Variants in CACNA1H observed in about 807,000 individuals in gnomAD.
CACNA1H encodes the protein voltage-dependent T-type calcium channel subunit alpha-1H.
Under a neutral mutation model 192.5 loss-of-function variants are expected in CACNA1H, and 149 were observed. The ratio of observed to expected loss-of-function variants is 0.77; its 90% CI spans 0.68 to 0.89. The LOEUF (loss-of-function observed/expected upper bound fraction) is 0.89. Among genes scored for constraint, CACNA1H ranks in the 40% least tolerant of loss-of-function variants. CACNA1H has a pLI of 0.00. For missense variants in CACNA1H, 4,257 were observed against 3,423.5 expected (o/e 1.24, Z -6.08); for synonymous variants, 2,202 against 1,475.2 (o/e 1.49, Z -11.29).
intron 2 of CACNA1H, among the ~76,000 whole-genome samples, chr16:1,155,377 G>A (rs933746434): frequency 6.6e-6 from 1 of 152,232 alleles, no homozygotes; most frequent in African/African-American, 2.4e-5. Context: ...TTGAAGAGCG[G>A]TTGTAGGTTT....
Position 1,204,179 on chromosome 16 carries a change from C to T in CACNA1H, c.2172C>T (p.Gly724=), listed in dbSNP as rs368380030. 7 of 1,612,296 alleles carry T rather than the reference C, an allele frequency of 4.3e-6. No individual in the cohort carries two copies. The highest frequency in any genetic ancestry group is 1.1e-5 in the South Asian group (1 of 91,048). Residue 724 remains glycine (G), a synonymous_variant, in exon 10 of 35, where the codon GGC becomes GGT. Coordinates refer to ENST00000348261, the MANE Select transcript of CACNA1H (RefSeq NM_021098.3). ...GCTCGGAAAGTGGAGACTCAGATGG[C>T]CGTGGCGTCTATGAATTCACGCAGG... is the stretch of plus-strand genomic sequence containing the variant. ...LSGSESGDSD[G]RGVYEFTQDV...
At position 1,217,922 on chromosome 16, in the gene CACNA1H, G is replaced by A. The variant is rs1228193387; in HGVS notation, c.5327G>A (p.Cys1776Tyr). 1.2e-6 allele frequency: 2 copies of A among 1,603,036 alleles called. No homozygotes were observed. Among genetic ancestry groups the A allele is most frequent in the Non-Finnish European group, 1.7e-6 (2 of 1,175,822 alleles). ...LGVELFGRLECSEDNPCEGLS... is the reference protein window; with the variant it reads ...LGVELFGRLEYSEDNPCEGLS... ...GGCGGGGTCTCCCTCCCCGCAGAGT[G>A]CAGTGAAGACAACCCCTGCGAGGGC... Residue 1776 changes from cysteine (C) to tyrosine (Y), a missense_variant, in exon 32 of 35, where the codon TGC becomes TAC. Physicochemically the swap from Cys to Tyr is radical, Grantham distance 194. Transcript: ENST00000348261.
rs1967488386 is a variant in CACNA1H, at chr16:1,199,448, TG to T, written c.803+675del. On this transcript the variant is annotated intron_variant, in intron 6 of 34. Transcript: ENST00000348261. ...ATGGCTCCGCCCACCGTGCGGTCGC[TG>T]CATATATGCCCCACCCCCATCATGG... is the stretch of plus-strand genomic sequence containing the variant. Among the ~76,000 whole-genome samples the T allele has an allele frequency of 2.6e-5, 2 of 77,344 alleles. 1 individual carries two copies. The highest frequency in any genetic ancestry group is 5.5e-5 in the Non-Finnish European group (2 of 36,122). The allele number at this position is 77,344 out of a possible 152,430, so 50.7% of individuals were successfully genotyped here.
At chr16:1,207,453 T>C in intron 14 of CACNA1H, 23 bp downstream of exon 14, 9 of 1,609,180 alleles carry the variant, frequency 5.6e-6, no homozygotes, top group Non-Finnish European at 7.6e-6. Flanking sequence ...GGAGAGGGGC[T>C]GCCAGGAGGA....
intron 2 of CACNA1H, among the ~76,000 whole-genome samples, chr16:1,182,018 T>C (rs1412044714): frequency 2.6e-5 from 4 of 152,188 alleles, no homozygotes; most frequent in Admixed American, 1.3e-4. Context: ...CTGGCTGCTG[T>C]GTGCTTCCGG....
chr16:1,210,328 A>G, intron 18 of CACNA1H, 42 bp from the exon 19 acceptor site: 1 of 1,454,160 alleles, frequency 6.9e-7, no homozygotes, highest in Non-Finnish European at 9.3e-7. Context: ...TCTGCCATCC[A>G]CGCCGCCCCG....
chr16:1,210,085 G>T lies in CACNA1H; in HGVS notation c.3795G>T (p.Trp1265Cys). The T allele has an allele frequency of 5.1e-6, 8 of 1,560,044 alleles. No individual in the cohort carries two copies. The highest frequency in any genetic ancestry group is 6.9e-6 in the Non-Finnish European group (8 of 1,152,830). ...HKVLEPYKPQ[W>C]CRSREAWALY... ...TGCTGGAGCCCTACAAGCCCCAGTG[G>T]TGCCGGAGCCGCGAGGCCTGGGCCC... Residue 1265 changes from tryptophan (W) to cysteine (C), a missense_variant, in exon 18 of 35, where the codon TGG becomes TGT. By Grantham distance (215) the Trp-to-Cys change is radical (BLOSUM62 -2). Coordinates refer to ENST00000348261, the MANE Select transcript of CACNA1H (RefSeq NM_021098.3).
chr16:1,189,542 C>T (rs1031828005), intron 2 of CACNA1H, among the ~76,000 whole-genome samples: 10 of 151,154 alleles, frequency 6.6e-5, no homozygotes, highest in Non-Finnish European at 1.0e-4. Flanking sequence ...TCAGCCTCCC[C>T]GAGTAGCTGC....
At position 1,199,420 on chromosome 16, in the gene CACNA1H, A is replaced by AGTGCTGCCACCTC. The variant is rs1567504534; in HGVS notation, c.803+646_803+647insGTGCTGCCACCTC. ...GTCGCTGCACATATGCCCCACCCCCATCATGGCTCCGCCCACCGTGCGGTC... is the reference window on the plus strand; with the variant it reads ...GTCGCTGCACATATGCCCCACCCCCAGTGCTGCCACCTCTCATGGCTCCGCCCACCGTGCGGTC... On this transcript the variant is annotated intron_variant, in intron 6 of 34. Coordinates refer to ENST00000348261, the MANE Select transcript of CACNA1H (RefSeq NM_021098.3). Among the ~76,000 whole-genome samples the AGTGCTGCCACCTC allele has an allele frequency of 3.4e-4, 6 of 17,604 alleles. 3 individuals are homozygous for AGTGCTGCCACCTC. Among genetic ancestry groups the AGTGCTGCCACCTC allele is most frequent in the African/African-American group, 7.0e-4 (2 of 2,856 alleles). The allele number at this position is 17,604 out of a possible 152,430, so 11.5% of individuals were successfully genotyped here.
chr16:1,194,172 G>A (rs1223730821), intron 2 of CACNA1H, among the ~76,000 whole-genome samples: 2 of 152,056 alleles, frequency 1.3e-5, no homozygotes, highest in Admixed American at 6.5e-5. Flanking sequence ...GGGTGGGGGC[G>A]GCCACCGGGC....
intron 5 of CACNA1H, among the ~76,000 whole-genome samples, chr16:1,197,988 GC>G (rs1967195295): frequency 6.6e-6 from 1 of 152,128 alleles, no homozygotes; most frequent in African/African-American, 2.4e-5. Context: ...AAAAGCCGCT[GC>G]CGGTCCTCCC....
intron 1 of CACNA1H, 75 bp downstream of exon 1, chr16:1,153,545 G>C (rs1410859176): frequency 6.2e-6 from 2 of 324,680 alleles, no homozygotes; most frequent in Middle Eastern, 8.5e-4. Context: ...CCCTCGGGGT[G>C]GGGGTGGGGC....
rs572520545 is a variant in CACNA1H at position 1,199,720 on chromosome 16, C to T, written c.804-536C>T. Among the ~76,000 whole-genome samples the T allele has an allele frequency of 3.5e-3, 537 of 151,270 alleles. 5 individuals are homozygous for T. The highest frequency in any genetic ancestry group is 0.015 in the South Asian group (71 of 4,742). On this transcript the variant is annotated intron_variant, in intron 6 of 34. Coordinates refer to ENST00000348261, the MANE Select transcript of CACNA1H (RefSeq NM_021098.3). ...CACCCCCGAGTCTCCCCTCAGCCTTCACCCCAGGGTCCCCTGAGCCCACAC... is the reference window on the plus strand; with the variant it reads ...CACCCCCGAGTCTCCCCTCAGCCTTTACCCCAGGGTCCCCTGAGCCCACAC...
chr16:1,216,097 C>T (rs1014601665), intron 30 of CACNA1H, among the ~76,000 whole-genome samples: 3 of 152,166 alleles, frequency 2.0e-5, no homozygotes, highest in African/African-American at 4.8e-5. Flanking sequence ...ATCCAACCCC[C>T]GTGTGTCCGT....
rs148017131 is a variant in CACNA1H, at chr16:1,164,921, C to T, written c.299+10885C>T. Among the ~76,000 whole-genome samples, 633 of 152,300 alleles carry T rather than the reference C, an allele frequency of 4.2e-3. 6 individuals carry two copies. Among genetic ancestry groups the T allele is most frequent in the African/African-American group, 0.011 (442 of 41,556 alleles). On this transcript the variant is annotated intron_variant, in intron 2 of 34. Coordinates refer to ENST00000348261, the MANE Select transcript of CACNA1H (RefSeq NM_021098.3). ...GTCGAGTCGCCCCTTTTGCTGGTCCCTGGCTTGGCAGATGTGTGTTTTCTC... is the reference window on the plus strand; with the variant it reads ...GTCGAGTCGCCCCTTTTGCTGGTCCTTGGCTTGGCAGATGTGTGTTTTCTC...
rs778787042 is a variant in CACNA1H at position 1,205,114 on chromosome 16, C to T, written c.2452C>T (p.Pro818Ser). The change falls in exon 11 of 35, where the codon CCC becomes TCC. Residue 818 changes from proline (P) to serine (S), a missense_variant and splice_region_variant. Pro to Ser is a moderately conservative substitution (Grantham distance 74). Coordinates refer to ENST00000348261, the MANE Select transcript of CACNA1H (RefSeq NM_021098.3). ...LSMGVEYHEQ[P>S]EELTNALEIS... ...GAACTGTCCCCACCTCTGCCTGCAG[C>T]CCGAGGAGCTGACTAATGCTCTGGA... 5 of 1,610,658 alleles carry T rather than the reference C, an allele frequency of 3.1e-6. No homozygotes were observed. The highest frequency in any genetic ancestry group is 4.5e-5 in the East Asian group (2 of 44,858).
intron 31 of CACNA1H, 137 bp downstream of exon 31, chr16:1,217,147 C>T: frequency 1.4e-6 from 1 of 713,406 alleles, no homozygotes; most frequent in Non-Finnish European, 2.3e-6. Flanking sequence ...TGGGCGTCCT[C>T]ACCCGGCCCT....
At chr16:1,209,525 A>G (rs1596451587) in intron 17 of CACNA1H, 113 bp downstream of exon 17, 2 of 1,299,418 alleles carry the variant, frequency 1.5e-6, no homozygotes, top group East Asian at 2.4e-5. Flanking sequence ...GAGGGGATTC[A>G]GAAGGGGAGA....
Position 1,167,389 on chromosome 16 carries a change from G to A in CACNA1H, c.299+13353G>A, listed in dbSNP as rs1027203703. Among the ~76,000 whole-genome samples, 4 of 152,200 alleles carry A rather than the reference G, an allele frequency of 2.6e-5. No homozygotes were observed. The highest frequency in any genetic ancestry group is 6.5e-5 in the Admixed American group (1 of 15,290). On this transcript the variant is annotated intron_variant, in intron 2 of 34. Transcript: ENST00000348261. The surrounding 1 kb of genome is among the most constrained non-coding windows in gnomAD (Gnocchi z 4.2). ...GCCCGGGCCGCGGGTGGGAGAATCT[G>A]GCGTGTGTGTTTGCACGGCATCCAT...
Sources: gnomAD v4.1 joint callset for allele counts (sites outside exome capture counted in the v4.1 genomes callset) on GRCh38, gnomAD v4.1.1 for gene constraint, Gnocchi (gnomAD v3.1) non-coding constraint, MANE v1.5 for transcripts, NCBI Gene and HGNC (gene_info 2026-07-23, HGNC 2026-07-21) for gene names.